CDKN1A: variants seen among roughly 807,000 people sequenced by gnomAD.
CDKN1A encodes cyclin dependent kinase inhibitor 1A, also known as cyclin-dependent kinase inhibitor 1.
In CDKN1A, 14 loss-of-function variants were observed where a neutral mutation model predicts 14.8. That is an observed-to-expected ratio of 0.94 (90% CI 0.62 to 1.48). CDKN1A has a LOEUF of 1.48. Ranked by LOEUF, CDKN1A falls within the 40% of genes most tolerant of loss-of-function variation. The pLI is 0.00. For synonymous variants in CDKN1A, 92 were observed against 93.5 expected (o/e 0.98, Z 0.09); for missense variants, 203 against 231.7 (o/e 0.88, Z 0.80).
In CDKN1A at chr6:36,684,270, A is replaced by G. The variant is rs370291979; in HGVS notation, c.169A>G (p.Thr57Ala). The part of the protein sequence containing the change: ...ERWNFDFVTE[T>A]PLEGDFAWER... ...ATGGAACTTCGACTTTGTCACCGAG[A>G]CACCACTGGAGGGTGACTTCGCCTG... Residue 57 changes from threonine (T) to alanine (A), a missense_variant, in exon 2 of 3, where the codon ACA (threonine) becomes GCA (alanine). Thr to Ala is a moderately conservative substitution (Grantham distance 58). Coordinates refer to ENST00000244741, the MANE Select transcript of CDKN1A (RefSeq NM_000389.5). This position sits in a 1 kb window ranked among gnomAD's most constrained non-coding sequence, Gnocchi z 6.0. 1.9e-6 allele frequency: 3 copies of G among 1,612,990 alleles called. No individual in the cohort carries two copies. Among genetic ancestry groups the G allele is most frequent in the Non-Finnish European group, 2.5e-6 (3 of 1,179,962 alleles).
At chr6:36,677,501 C>T (rs924752202), upstream of CDKN1A, 1 of 202,928 alleles carries the variant, frequency 4.9e-6, no homozygotes, top group Non-Finnish European at 1.0e-5. Flanking sequence ...GTTTCAGGCA[C>T]AGAAAGGAGG....
At position 36,684,282 on chromosome 6, in the gene CDKN1A, G is replaced by T; in HGVS notation, c.181G>T (p.Gly61Cys). Residue 61 changes from glycine (G) to cysteine (C), a missense_variant, in exon 2 of 3, where the codon GGT becomes TGT. Coordinates refer to ENST00000244741, the MANE Select transcript of CDKN1A (RefSeq NM_000389.5). The surrounding 1 kb of genome is among the most constrained non-coding windows in gnomAD (Gnocchi z 6.0). ...CTTTGTCACCGAGACACCACTGGAG[G>T]GTGACTTCGCCTGGGAGCGTGTGCG... Reference protein sequence around the residue: ...FDFVTETPLEGDFAWERVRGL... With the variant: ...FDFVTETPLECDFAWERVRGL... 6.2e-7 allele frequency: 1 copy of T among 1,613,308 alleles called. No individual in the cohort carries two copies.
At chr6:36,678,570 T>A (rs547647295), upstream of CDKN1A, 1 of 773,808 alleles carries the variant, frequency 1.3e-6, no homozygotes, top group South Asian at 5.8e-5. The surrounding 1 kb of genome is among the most constrained non-coding windows in gnomAD (Gnocchi z 5.7). Flanking sequence ...CAGGCTCAGC[T>A]GGCTCGGCGC....
chr6:36,681,188 A>G (rs1224401814), intron 1 of CDKN1A, among the ~76,000 whole-genome samples: 1 of 152,110 alleles, frequency 6.6e-6, no homozygotes, highest in African/African-American at 2.4e-5. Context: ...ACTTGCTTGA[A>G]TCTTCAATCT....
intron 1 of CDKN1A, among the ~76,000 whole-genome samples, chr6:36,682,249 G>C (rs4151704): frequency 6.6e-6 from 1 of 152,228 alleles, no homozygotes; most frequent in Non-Finnish European, 1.5e-5. Flanking sequence ...GGAGCTAATA[G>C]ATATCCACTT....
At chr6:36,677,851 C>A, upstream of CDKN1A, 1 of 1,366,650 alleles carries the variant, frequency 7.3e-7, no homozygotes, top group African/African-American at 1.4e-5. Context: ...GGGGAGTATT[C>A]AGGAGACAGA....
chr6:36,681,480 C>G (rs543465996), intron 1 of CDKN1A, among the ~76,000 whole-genome samples: 31 of 148,280 alleles, frequency 2.1e-4, no homozygotes, highest in Middle Eastern at 3.2e-3. Flanking sequence ...ACTCTGTCAC[C>G]CAGGCTGGAG....
At position 36,685,978 on chromosome 6, in the gene CDKN1A, T is replaced by G; in HGVS notation, c.*178T>G. 1 of 664,332 alleles carries G rather than the reference T, an allele frequency of 1.5e-6. No individual in the cohort carries two copies. Among genetic ancestry groups the G allele is most frequent in the South Asian group, 1.7e-5 (1 of 59,848 alleles). The allele number at this position is 664,332 out of a possible 1,614,324, so 41.2% of individuals were successfully genotyped here. A position where few individuals can be genotyped will look rare whatever the true frequency, so the allele number is the denominator to read the frequency against. ...CCCCAGCCTCTGGCATTAGAATTAT[T>G]TAAACAAAAACTAGGCGGTTGAATG... On this transcript the variant is annotated 3_prime_UTR_variant, in exon 3 of 3. Coordinates refer to ENST00000244741, the MANE Select transcript of CDKN1A (RefSeq NM_000389.5).
chr6:36,677,200 A>G (rs1761722745), upstream of CDKN1A, among the ~76,000 whole-genome samples: 2 of 152,138 alleles, frequency 1.3e-5, no homozygotes, highest in East Asian at 1.9e-4. Context: ...TTTAGCCACA[A>G]TCCTGGCCTG....
At chr6:36,683,789 T>C (rs766342422) in intron 1 of CDKN1A, among the ~76,000 whole-genome samples, 1 of 152,252 alleles carries the variant, frequency 6.6e-6, no homozygotes, top group Non-Finnish European at 1.5e-5. Flanking sequence ...AACAAATTGA[T>C]TTTAGCTGAT....
chr6:36,681,264 TTTTCTTTCTTTCTTTTTTTCTTTC>T (rs1173827909), intron 1 of CDKN1A, among the ~76,000 whole-genome samples: 6 of 81,798 alleles, frequency 7.3e-5, no homozygotes, highest in Admixed American at 2.6e-4. Flanking sequence ...CCCTAGGTGC[TTTTCTTTCTTTCTTTTTTTCTTTC>T]TTTCTTTCTT....
intron 1 of CDKN1A, 142 bp from the exon 2 acceptor site, chr6:36,683,955 G>A: frequency 1.2e-6 from 1 of 845,652 alleles, no homozygotes; most frequent in Non-Finnish European, 1.9e-6. Flanking sequence ...CTGTGGGAAG[G>A]AAGCAGGAAG....
In CDKN1A at chr6:36,687,080, C is replaced by T. The variant is rs1306606588; in HGVS notation, c.*1280C>T. The T allele has an allele frequency of 1.7e-5, 4 of 233,136 alleles. No homozygotes were observed. In the East Asian group the frequency reaches 1.8e-4, roughly 11 times the overall value. The allele number at this position is 233,136 out of a possible 1,614,324, so 14.4% of individuals were successfully genotyped here. A position where few individuals can be genotyped will look rare whatever the true frequency, so the allele number is the denominator to read the frequency against. On this transcript the variant is annotated 3_prime_UTR_variant, in exon 3 of 3. Transcript: ENST00000244741. Reference sequence around the variant, plus strand: ...TCTTTCCTGGCACTAACGTTGAGCCCCTGGAGGCACTGAAGTGCTTAGTGT... The same window carrying T: ...TCTTTCCTGGCACTAACGTTGAGCCTCTGGAGGCACTGAAGTGCTTAGTGT...
chr6:36,677,412 T>C (rs532642032), upstream of CDKN1A, among the ~76,000 whole-genome samples: 1 of 152,298 alleles, frequency 6.6e-6, no homozygotes, highest in African/African-American at 2.4e-5. Flanking sequence ...GCTCCAAGCC[T>C]GGGTTCTGTT....
rs1211171098 is a variant in CDKN1A at position 36,678,782 on chromosome 6, C to G, written c.-22C>G. Reference sequence around the variant, plus strand: ...GCTGGGCGCGGATTCGCCGAGGCACCGAGGCACTCAGAGGAGGTGAGAGAG... The same window carrying G: ...GCTGGGCGCGGATTCGCCGAGGCACGGAGGCACTCAGAGGAGGTGAGAGAG... On this transcript the variant is annotated 5_prime_UTR_variant, in exon 1 of 3. Coordinates refer to ENST00000244741, the MANE Select transcript of CDKN1A (RefSeq NM_000389.5). This position sits in a 1 kb window ranked among gnomAD's most constrained non-coding sequence, Gnocchi z 5.7. 3.0e-6 allele frequency: 3 copies of G among 985,798 alleles called. No homozygotes were observed. Among genetic ancestry groups the G allele is most frequent in the South Asian group, 4.7e-5 (1 of 21,292 alleles). 61.1% of individuals were successfully genotyped at this position (985,798 alleles called of 1,614,324 possible).
chr6:36,678,223 T>C, upstream of CDKN1A: 1 of 224,606 alleles, frequency 4.5e-6, no homozygotes, highest in Non-Finnish European at 9.0e-6. This position sits in a 1 kb window ranked among gnomAD's most constrained non-coding sequence, Gnocchi z 5.7. Context: ...GGTGATATTG[T>C]GGGGCTTTTC....
chr6:36,683,149 T>C (rs1762073639), intron 1 of CDKN1A, among the ~76,000 whole-genome samples: 1 of 152,258 alleles, frequency 6.6e-6, no homozygotes, highest in South Asian at 2.1e-4. Flanking sequence ...TGCACTTCTC[T>C]ATACGAAGTG....
upstream of CDKN1A, chr6:36,677,883 C>T: frequency 7.3e-7 from 1 of 1,364,780 alleles, no homozygotes; most frequent in Non-Finnish European, 9.7e-7. Context: ...TCAAATCCTC[C>T]CCTTCCTGGC....
At chr6:36,681,280 T>TTTTCTTTCTTTCTTTC (rs1203395813) in intron 1 of CDKN1A, among the ~76,000 whole-genome samples, 2 of 112,890 alleles carry the variant, frequency 1.8e-5, no homozygotes, top group South Asian at 6.0e-4. Flanking sequence ...TTCTTTCTTT[T>TTTTCTTTCTTTCTTTC]TTTCTTTCTT....
Sources: allele counts gnomAD v4.1 joint callset (sites outside exome capture counted in the v4.1 genomes callset), GRCh38; gene constraint gnomAD v4.1.1; non-coding constraint Gnocchi (gnomAD v3.1); transcripts MANE v1.5; gene names NCBI Gene and HGNC (gene_info 2026-07-23, HGNC 2026-07-21).